Variants in MRPS25 observed in about 807,000 individuals in gnomAD.
The protein encoded by MRPS25 is mitochondrial ribosomal protein S25, also known as small ribosomal subunit protein mS25.
Under a neutral mutation model 17.3 loss-of-function variants are expected in MRPS25, and 15 were observed. The ratio of observed to expected loss-of-function variants is 0.87; its 90% CI spans 0.58 to 1.34. The LOEUF is 1.34. MRPS25 is among the 40% of genes most tolerant of loss of function. MRPS25 has a pLI of 0.00. For synonymous variants in MRPS25, 94 were observed against 83.3 expected (o/e 1.13, Z -0.70); for missense variants, 225 against 218.6 (o/e 1.03, Z -0.19).
chr3:15,042,524 G>A, downstream of MRPS25: 1 of 250,384 alleles, frequency 4.0e-6, no homozygotes, highest in Non-Finnish European at 7.6e-6. Flanking sequence ...TTCATCATAT[G>A]AAGACTCCTA....
In MRPS25 at chr3:15,049,058, AAAATAGCATGTTCTTTTT is replaced by A. The variant is rs1559324215; in HGVS notation, c.*3365_*3382del. ...ACTTTGTTTATGTGATGGCATTTAA[AAAATAGCATGTTCTTTTT>A]AAACTGAATTTTATATCTAATCAAT... On this transcript the variant is annotated 3_prime_UTR_variant, in exon 4 of 4. Transcript: ENST00000253686. The A allele has an allele frequency of 6.6e-6, 1 of 152,666 alleles. No homozygotes were observed. Among genetic ancestry groups the A allele is most frequent in the African/African-American group, 2.4e-5 (1 of 41,454 alleles). 9.5% of individuals were successfully genotyped at this position (152,666 alleles called of 1,614,324 possible).
In MRPS25 at chr3:15,049,786, A is replaced by T; in HGVS notation, c.*2655T>A. 1 of 768,018 alleles carries T rather than the reference A, an allele frequency of 1.3e-6. No homozygotes were observed. Among genetic ancestry groups the T allele is most frequent in the Non-Finnish European group, 2.1e-6 (1 of 469,168 alleles). The allele number at this position is 768,018 out of a possible 1,614,324, so 47.6% of individuals were successfully genotyped here. A position where few individuals can be genotyped will look rare whatever the true frequency, so the allele number is the denominator to read the frequency against. ...CTCACTGGCAGGCAGATAGGGCCTCACTCCGTCACCCAGGCTGGAATGCAG... is the reference window on the plus strand; with the variant it reads ...CTCACTGGCAGGCAGATAGGGCCTCTCTCCGTCACCCAGGCTGGAATGCAG... On this transcript the variant is annotated 3_prime_UTR_variant, in exon 4 of 4. Transcript: ENST00000253686.
intron 2 of MRPS25, among the ~76,000 whole-genome samples, chr3:15,054,179 C>A (rs1277452798): frequency 1.3e-5 from 2 of 151,808 alleles, no homozygotes; most frequent in African/African-American, 4.8e-5. Context: ...CCACTGCACT[C>A]CAGTCTGGGC....
downstream of MRPS25, chr3:15,043,928 G>A (rs533080690): frequency 6.6e-6 from 1 of 152,248 alleles, no homozygotes; most frequent in African/African-American, 2.4e-5. Context: ...GGCAGATGGA[G>A]CCTTGTGACC....
In MRPS25 at chr3:15,053,149, A is replaced by G; in HGVS notation, c.329+231T>C. On this transcript the variant is annotated intron_variant, in intron 3 of 3. Coordinates refer to ENST00000253686, the MANE Select transcript of MRPS25 (RefSeq NM_022497.5). ...GCTTCCCGTCCCCCGCAAGAGGGAG[A>G]GAGGTACTTCTCACACTGTACAGCC... The G allele has an allele frequency of 3.2e-6, 3 of 933,470 alleles. No homozygotes were observed. In the South Asian group the frequency reaches 6.0e-5, roughly 19 times the overall value. The allele number at this position is 933,470 out of a possible 1,614,324, so 57.8% of individuals were successfully genotyped here. A position where few individuals can be genotyped will look rare whatever the true frequency, so the allele number is the denominator to read the frequency against.
chr3:15,051,192 A>T lies in MRPS25; in HGVS notation c.*1249T>A, dbSNP rs187778486. 12,886 of 983,312 alleles carry T rather than the reference A, an allele frequency of 0.013. 153 individuals are homozygous for T. The highest frequency in any genetic ancestry group is 0.08 in the Admixed American group (1,294 of 16,224). 60.9% of individuals were successfully genotyped at this position (983,312 alleles called of 1,614,324 possible). ...CTTTATAATTAAACTTATTTAAAAA[A>T]TTTTTTTTCTTGAGACAGTCTTGCT... is the stretch of plus-strand genomic sequence containing the variant. On this transcript the variant is annotated 3_prime_UTR_variant, in exon 4 of 4. Coordinates refer to ENST00000253686, the MANE Select transcript of MRPS25 (RefSeq NM_022497.5).
At position 15,050,037 on chromosome 3, in the gene MRPS25, C is replaced by G. The variant is rs1295240320; in HGVS notation, c.*2404G>C. 6.9e-7 allele frequency: 1 copy of G among 1,457,148 alleles called. No homozygotes were observed. The highest frequency in any genetic ancestry group is 8.9e-7 in the Non-Finnish European group (1 of 1,119,678). 90.3% of individuals were successfully genotyped at this position (1,457,148 alleles called of 1,614,324 possible). A position where few individuals can be genotyped will look rare whatever the true frequency, so the allele number is the denominator to read the frequency against. ...ATCAATTATAAAATCCTCACATTTTCTCTAATTAATTTTCTCCCATTTCTG... is the reference window on the plus strand; with the variant it reads ...ATCAATTATAAAATCCTCACATTTTGTCTAATTAATTTTCTCCCATTTCTG... On this transcript the variant is annotated 3_prime_UTR_variant, in exon 4 of 4. Coordinates refer to ENST00000253686, the MANE Select transcript of MRPS25 (RefSeq NM_022497.5).
chr3:15,052,141 C>T lies in MRPS25; in HGVS notation c.*300G>A, dbSNP rs1038878358. Reference sequence around the variant, plus strand: ...GGTGTCAACAGGCTGTGGCCTTAACCTCTCAGGCCCAAAGCCTTTCTGCTA... The same window carrying T: ...GGTGTCAACAGGCTGTGGCCTTAACTTCTCAGGCCCAAAGCCTTTCTGCTA... On this transcript the variant is annotated 3_prime_UTR_variant, in exon 4 of 4. Coordinates refer to ENST00000253686, the MANE Select transcript of MRPS25 (RefSeq NM_022497.5). 3 of 1,106,772 alleles carry T rather than the reference C, an allele frequency of 2.7e-6. No homozygotes were observed. Among genetic ancestry groups the T allele is most frequent in the East Asian group, 1.1e-4 (2 of 17,874 alleles). 68.6% of individuals were successfully genotyped at this position (1,106,772 alleles called of 1,614,324 possible).
At chr3:15,059,325 C>T (rs776761887) in intron 2 of MRPS25, 44 bp downstream of exon 2, 2 of 1,312,144 alleles carry the variant, frequency 1.5e-6, no homozygotes, top group Non-Finnish European at 2.2e-6. Flanking sequence ...TCTCTCCAGG[C>T]ATGTCTGGGA....
chr3:15,051,591 G>A lies in MRPS25; in HGVS notation c.*850C>T. On this transcript the variant is annotated 3_prime_UTR_variant, in exon 4 of 4. Coordinates refer to ENST00000253686, the MANE Select transcript of MRPS25 (RefSeq NM_022497.5). ...GACAGTAACATCAGTGTCCTATGAG[G>A]AAAGAACAAGGAAGGTGCTCAGTAA... The A allele has an allele frequency of 1.0e-6, 1 of 985,446 alleles. No homozygotes were observed. Among genetic ancestry groups the A allele is most frequent in the Non-Finnish European group, 1.2e-6 (1 of 829,936 alleles). 61.0% of individuals were successfully genotyped at this position (985,446 alleles called of 1,614,324 possible). A position where few individuals can be genotyped will look rare whatever the true frequency, so the allele number is the denominator to read the frequency against.
At chr3:15,053,513 G>A (rs200713011) in intron 2 of MRPS25, 46 bp from the exon 3 acceptor site, 26 of 1,611,010 alleles carry the variant, frequency 1.6e-5, no homozygotes, top group South Asian at 9.9e-5. Flanking sequence ...AACTCACAGC[G>A]CACTCAGCCT....
chr3:15,062,076 G>A (rs566309374), intron 1 of MRPS25, among the ~76,000 whole-genome samples: 69 of 147,200 alleles, frequency 4.7e-4, no homozygotes, highest in African/African-American at 1.1e-3. Context: ...CAGCCGCCCC[G>A]TCTGGGAGGG....
chr3:15,056,760 C>T (rs993334733), intron 2 of MRPS25, among the ~76,000 whole-genome samples: 2 of 152,234 alleles, frequency 1.3e-5, no homozygotes, highest in African/African-American at 4.8e-5. Context: ...ATCTGCAAGA[C>T]AATACATTTG....
At chr3:15,046,025 G>T (rs1217062567), downstream of MRPS25, 3 of 152,242 alleles carry the variant, frequency 2.0e-5, no homozygotes, top group South Asian at 2.1e-4. Flanking sequence ...GACAGGAAGA[G>T]ATTTTTTGAA....
downstream of MRPS25, chr3:15,048,296 G>A (rs1172648582): frequency 3.3e-5 from 5 of 152,598 alleles, no homozygotes; most frequent in South Asian, 4.1e-4. Flanking sequence ...TGACAATCAC[G>A]CTATTGAAAG....
intron 1 of MRPS25, among the ~76,000 whole-genome samples, chr3:15,063,141 A>T (rs1270179420): frequency 2.0e-5 from 3 of 152,080 alleles, no homozygotes; most frequent in Non-Finnish European, 2.9e-5. Flanking sequence ...CTGACTCTCC[A>T]ACCCCAGAAG....
rs1306253401 is a variant in MRPS25, at chr3:15,060,095, G to GAAT, written c.135-623_135-621dup. Among the ~76,000 whole-genome samples, 3 of 152,116 alleles carry GAAT rather than the reference G, an allele frequency of 2.0e-5. No individual in the cohort carries two copies. In the East Asian group the frequency reaches 5.8e-4, roughly 29 times the overall value. ...TGAATATCGTCCTGTACAAAATTTGGAATAATGATACTGGGAGGAGTGGGT... is the reference window on the plus strand; with the variant it reads ...TGAATATCGTCCTGTACAAAATTTGGAATAATAATGATACTGGGAGGAGTGGGT... On this transcript the variant is annotated intron_variant, in intron 1 of 3. Transcript: ENST00000253686.
intron 1 of MRPS25, among the ~76,000 whole-genome samples, chr3:15,063,554 G>A (rs958370745): frequency 2.6e-5 from 4 of 152,162 alleles, no homozygotes; most frequent in East Asian, 3.8e-4. Flanking sequence ...GGGCACAGGT[G>A]GCACAGGCCA....
At chr3:15,061,909 T>C (rs1488923070) in intron 1 of MRPS25, among the ~76,000 whole-genome samples, 19 of 115,618 alleles carry the variant, frequency 1.6e-4, no homozygotes, top group African/African-American at 2.7e-4. Flanking sequence ...GCAGCCGCCC[T>C]GTCTGAGAAG....
Sources: gnomAD v4.1 joint callset for allele counts (sites outside exome capture counted in the v4.1 genomes callset) on GRCh38, gnomAD v4.1.1 for gene constraint, MANE v1.5 for transcripts, NCBI Gene and HGNC (gene_info 2026-07-23, HGNC 2026-07-21) for gene names.